Variants in NBEAL1 observed in about 807,000 individuals in gnomAD.
The protein encoded by NBEAL1 is neurobeachin-like protein 1.
In NBEAL1, 273 loss-of-function variants were observed where a neutral mutation model predicts 351.3. The observed-to-expected ratio is 0.78, with a 90% CI of 0.70 to 0.86. The LOEUF (loss-of-function observed/expected upper bound fraction) is 0.86. NBEAL1 is among the 40% of genes least tolerant of loss of function. The pLI is 0.00. For synonymous variants in NBEAL1, 1,050 were observed against 1,086.4 expected (o/e 0.97, Z 0.66); for missense variants, 2,961 against 3,201.3 (o/e 0.92, Z 1.81).
chr2:203,072,579 G>C (rs191114134), intron 7 of NBEAL1, among the ~76,000 whole-genome samples: 2 of 152,254 alleles, frequency 1.3e-5, no homozygotes, highest in Non-Finnish European at 2.9e-5. Context: ...CTTAGAAATT[G>C]CCTTAGCTAA....
intron 46 of NBEAL1, chr2:203,190,973 A>C (rs1291904917): frequency 6.2e-7 from 1 of 1,608,856 alleles, no homozygotes. Flanking sequence ...CTGACCATTC[A>C]GAACAGACAG....
Position 203,138,755 on chromosome 2 carries a change from C to A in NBEAL1, c.4848+7C>A. The A allele has an allele frequency of 6.2e-7, 1 of 1,604,422 alleles. No homozygotes were observed. The highest frequency in any genetic ancestry group is 1.1e-5 in the South Asian group (1 of 88,518). ...TGGAAGGGGTAATTTGCAGGTTTGT[C>A]CATTCTTTTATATTATTTTCTGTGC... is the stretch of plus-strand genomic sequence containing the variant. On this transcript the variant is annotated splice_region_variant and intron_variant, in intron 31 of 55. Coordinates refer to ENST00000683969, the MANE Select transcript of NBEAL1 (RefSeq NM_001378026.1).
In NBEAL1 at chr2:203,056,042, A is replaced by G. The variant is rs183220320; in HGVS notation, c.306-385A>G. Among the ~76,000 whole-genome samples the G allele has an allele frequency of 6.0e-4, 92 of 152,366 alleles. 1 individual carries two copies. In the East Asian group the frequency reaches 0.016, roughly 27 times the overall value. On this transcript the variant is annotated intron_variant, in intron 4 of 55. Transcript: ENST00000683969. ...ATGAAAACAGTATGTACAAAAAAGAAAACTAAGAATCTGCATAGGGACAAA... is the reference window on the plus strand; with the variant it reads ...ATGAAAACAGTATGTACAAAAAAGAGAACTAAGAATCTGCATAGGGACAAA...
intron 10 of NBEAL1, among the ~76,000 whole-genome samples, chr2:203,087,133 G>A (rs1295426593): frequency 1.6e-4 from 19 of 120,612 alleles, no homozygotes; most frequent in African/African-American, 4.6e-4. Flanking sequence ...TTGCTCTGTC[G>A]CCCAGGCTAG....
At chr2:203,044,982 C>T (rs1039931269) in intron 3 of NBEAL1, among the ~76,000 whole-genome samples, 3 of 152,084 alleles carry the variant, frequency 2.0e-5, no homozygotes, top group African/African-American at 7.2e-5. Context: ...GAATTTTGAA[C>T]AGTAAAGTCC....
intron 10 of NBEAL1, among the ~76,000 whole-genome samples, chr2:203,088,952 TTTGGAGGAGGGGAATG>T (rs2062015534): frequency 6.6e-6 from 1 of 152,060 alleles, no homozygotes; most frequent in African/African-American, 2.4e-5. Flanking sequence ...ATAGGTTTCT[TTTGGAGGAGGGGAATG>T]TAAAAGAGGG....
At chr2:203,077,713 C>T (rs2106152735) in intron 7 of NBEAL1, 39 bp from the exon 8 acceptor site, 2 of 1,146,642 alleles carry the variant, frequency 1.7e-6, no homozygotes, top group East Asian at 5.9e-5. Context: ...CTGTGAAAGA[C>T]AAATCTTATT....
rs563398209 is a variant in NBEAL1 at position 203,106,416 on chromosome 2, T to C, written c.1270-1004T>C. 8.7e-4 allele frequency among the ~76,000 whole-genome samples: 133 copies of C among 152,334 alleles called. 1 individual carries two copies. The highest frequency in any genetic ancestry group is 4.5e-3 in the Admixed American group (69 of 15,308). The stretch of plus-strand genomic sequence containing the variant: ...GACATAACTCATGGTTAGGTTCCTA[T>C]TGAATAGGCTTTTACAACTTTTACA... On this transcript the variant is annotated intron_variant, in intron 12 of 55. Transcript: ENST00000683969.
intron 12 of NBEAL1, among the ~76,000 whole-genome samples, chr2:203,102,277 T>G (rs1267856391): frequency 1.3e-5 from 2 of 152,234 alleles, no homozygotes; most frequent in Non-Finnish European, 2.9e-5. Flanking sequence ...TGACTTATTC[T>G]CTTCCTACTT....
intron 18 of NBEAL1, among the ~76,000 whole-genome samples, chr2:203,117,242 A>G (rs1054844580): frequency 6.6e-6 from 1 of 152,198 alleles, no homozygotes; most frequent in Non-Finnish European, 1.5e-5. Flanking sequence ...AGGCGGGCGG[A>G]TCACGAGGTT....
At chr2:203,017,426 AT>A (rs1308980472) in intron 2 of NBEAL1, among the ~76,000 whole-genome samples, 1 of 152,174 alleles carries the variant, frequency 6.6e-6, no homozygotes, top group African/African-American at 2.4e-5. Context: ...ATATATTATA[AT>A]TGCTAAAGGA....
intron 33 of NBEAL1, among the ~76,000 whole-genome samples, chr2:203,146,312 A>G (rs1307475239): frequency 1.3e-5 from 2 of 152,158 alleles, no homozygotes; most frequent in Non-Finnish European, 2.9e-5. Flanking sequence ...TCTACCACAC[A>G]TTTAATGGAG....
chr2:203,039,355 C>T (rs1344965000), intron 2 of NBEAL1, among the ~76,000 whole-genome samples: 2 of 106,660 alleles, frequency 1.9e-5, no homozygotes, highest in African/African-American at 6.6e-5. Context: ...CTCCCCTCCC[C>T]TTCTCCTTCC....
At position 203,084,486 on chromosome 2, in the gene NBEAL1, T is replaced by A. The variant is rs1009399074; in HGVS notation, c.1015T>A (p.Cys339Ser). 6.6e-5 allele frequency: 100 copies of A among 1,513,458 alleles called. No individual in the cohort carries two copies. The highest frequency in any genetic ancestry group is 8.6e-5 in the Non-Finnish European group (97 of 1,131,432). The allele number at this position is 1,513,458 out of a possible 1,614,324, so 93.8% of individuals were successfully genotyped here. ...MLNTITAMLD[C>S]TDRPVLQAIF... is the part of the protein sequence containing the mutation. ...AGATACCATCACAGCCATGTTAGAT[T>A]GTACAGATAGACCTGTTCTTCAGGC... Residue 339 changes from cysteine to serine, a missense_variant, in exon 10 of 56, where the codon TGT (cysteine) becomes AGT (serine). Physicochemically the swap from Cys to Ser is moderately radical, Grantham distance 112 (BLOSUM62 -1). Transcript: ENST00000683969.
chr2:203,136,517 T>G, intron 28 of NBEAL1, 82 bp from the exon 29 acceptor site: 1 of 982,314 alleles, frequency 1.0e-6, no homozygotes. Context: ...ATGATTACAA[T>G]GAGTATATGT....
At chr2:203,015,654 G>A (rs2060667231) in intron 1 of NBEAL1, 1 of 152,392 alleles carries the variant, frequency 6.6e-6, no homozygotes, top group South Asian at 2.1e-4. Flanking sequence ...AGTAGAGACA[G>A]GGGTTCACTG....
intron 19 of NBEAL1, among the ~76,000 whole-genome samples, chr2:203,122,906 C>G (rs898114753): frequency 6.6e-6 from 1 of 151,798 alleles, no homozygotes; most frequent in African/African-American, 2.4e-5. Context: ...TAATCAGTTC[C>G]TGGTACAGGG....
intron 15 of NBEAL1, among the ~76,000 whole-genome samples, 156 bp downstream of exon 15, chr2:203,110,438 C>G (rs1247163122): frequency 6.6e-6 from 1 of 151,958 alleles, no homozygotes; most frequent in Non-Finnish European, 1.5e-5. Flanking sequence ...TTTAGGAGCC[C>G]AAAGCAGGCA....
chr2:203,016,537 T>G (rs776736347), intron 2 of NBEAL1, 102 bp downstream of exon 2: 2 of 679,132 alleles, frequency 2.9e-6, no homozygotes, highest in Non-Finnish European at 4.5e-6. Context: ...GTGTATTTAG[T>G]CATAATGAAT....
Sources: allele counts gnomAD v4.1 joint callset (sites outside exome capture counted in the v4.1 genomes callset), GRCh38; gene constraint gnomAD v4.1.1; transcripts MANE v1.5; gene names NCBI Gene and HGNC (gene_info 2026-07-23, HGNC 2026-07-21).